Variants in TNFRSF8 observed in about 807,000 individuals in gnomAD.
TNFRSF8 encodes TNF receptor superfamily member 8.
Under a neutral mutation model 70.8 loss-of-function variants are expected in TNFRSF8, and 26 were observed. The observed-to-expected ratio is 0.37, with a 90% CI of 0.27 to 0.51. TNFRSF8 has a LOEUF of 0.51. Ranked by LOEUF, TNFRSF8 falls within the 20% of genes least tolerant of loss-of-function variation. The pLI, the probability that TNFRSF8 is intolerant of heterozygous loss-of-function variation, is 0.94. For missense variants in TNFRSF8, 720 were observed against 807.9 expected (o/e 0.89, Z 1.32); for synonymous variants, 356 against 339.2 (o/e 1.05, Z -0.54).
intron 4 of TNFRSF8, among the ~76,000 whole-genome samples, chr1:12,105,599 G>T (rs1226400984): frequency 1.5e-5 from 1 of 65,184 alleles, no homozygotes; most frequent in Admixed American, 1.5e-4. Context: ...ACACACACAC[G>T]GATATATACC....
At chr1:12,069,633 T>TAGGA (rs1307442748) in intron 1 of TNFRSF8, among the ~76,000 whole-genome samples, 1 of 152,218 alleles carries the variant, frequency 6.6e-6, no homozygotes. Context: ...TCAAGGCTCC[T>TAGGA]CATCTGCCTG....
chr1:12,109,607 G>A lies in TNFRSF8; in HGVS notation c.463G>A (p.Gly155Arg). 6.2e-7 allele frequency: 1 copy of A among 1,613,716 alleles called. No homozygotes were observed. Residue 155 changes from glycine (G) to arginine (R), a missense_variant, in exon 5 of 15, where the codon GGG (glycine) becomes AGG (arginine). By Grantham distance (125) the Gly-to-Arg change is moderately radical. Coordinates refer to ENST00000263932, the MANE Select transcript of TNFRSF8 (RefSeq NM_001243.5). The surrounding 1 kb of genome is among the most constrained non-coding windows in gnomAD (Gnocchi z 4.4). ...CACGGTCTGTGAGCCGGCTTCCCCAGGGGTCAGCCCTGCCTGTGCCAGCCC... is the reference window on the plus strand; with the variant it reads ...CACGGTCTGTGAGCCGGCTTCCCCAAGGGTCAGCCCTGCCTGTGCCAGCCC... ...KNTVCEPASP[G>R]VSPACASPEN...
At position 12,112,333 on chromosome 1, in the gene TNFRSF8, G is replaced by A. The variant is rs1641647712; in HGVS notation, c.793+319G>A. On this transcript the variant is annotated intron_variant, in intron 7 of 14. Transcript: ENST00000263932. This position sits in a 1 kb window ranked among gnomAD's most constrained non-coding sequence, Gnocchi z 5.3. ...TGGGCTGGAGTTTGAACCCAGACAG[G>A]TGCCACCAGGTTCCAGGTTCTCGTC... is the stretch of plus-strand genomic sequence containing the variant. Among the ~76,000 whole-genome samples the A allele has an allele frequency of 6.6e-6, 1 of 151,932 alleles. No homozygotes were observed. Among genetic ancestry groups the A allele is most frequent in the African/African-American group, 2.4e-5 (1 of 41,356 alleles).
intron 12 of TNFRSF8, among the ~76,000 whole-genome samples, chr1:12,128,390 G>A (rs1440418262): frequency 1.3e-5 from 2 of 152,208 alleles, no homozygotes; most frequent in Non-Finnish European, 1.5e-5. Context: ...GTGCAGGTGC[G>A]ATGAGAGGCC....
chr1:12,086,402 T>C (rs1442925072), intron 2 of TNFRSF8, among the ~76,000 whole-genome samples: 2 of 152,174 alleles, frequency 1.3e-5, no homozygotes, highest in East Asian at 3.8e-4. Flanking sequence ...GAATGATCTA[T>C]TAGGTGGGTC....
rs1641028799 is a variant in TNFRSF8, at chr1:12,079,644, A to G, written c.64-4820A>G. On this transcript the variant is annotated intron_variant, in intron 1 of 14. Transcript: ENST00000263932. ...GGAAGGGGGTGCCCCTTCCTCGCTC[A>G]GCTCCACATGGAAAATGGGGCCCTA... Among the ~76,000 whole-genome samples the G allele has an allele frequency of 2.0e-5, 3 of 152,168 alleles. No homozygotes were observed. In the South Asian group the frequency reaches 6.2e-4, roughly 32 times the overall value.
chr1:12,063,497 C>G lies in TNFRSF8; in HGVS notation c.-102C>G. On this transcript the variant is annotated 5_prime_UTR_variant, in exon 1 of 15. Coordinates refer to ENST00000263932, the MANE Select transcript of TNFRSF8 (RefSeq NM_001243.5). The surrounding 1 kb of genome is among the most constrained non-coding windows in gnomAD (Gnocchi z 7.2). ...AGTGTGCTGGAGCCTGAAGTCCACG[C>G]GCGCGGCTGAGAACCGCCGGGACCG... 1 of 1,077,856 alleles carries G rather than the reference C, an allele frequency of 9.3e-7. No individual in the cohort carries two copies. The highest frequency in any genetic ancestry group is 1.2e-6 in the Non-Finnish European group (1 of 832,894). The allele number at this position is 1,077,856 out of a possible 1,614,324, so 66.8% of individuals were successfully genotyped here.
At chr1:12,089,521 A>G (rs1335986438) in intron 2 of TNFRSF8, among the ~76,000 whole-genome samples, 2 of 152,092 alleles carry the variant, frequency 1.3e-5, no homozygotes, top group Non-Finnish European at 2.9e-5. Context: ...GTTCTTTTGT[A>G]TAGGAGGAAG....
intron 8 of TNFRSF8, among the ~76,000 whole-genome samples, chr1:12,116,504 A>C (rs1641732698): frequency 6.6e-6 from 1 of 152,158 alleles, no homozygotes; most frequent in African/African-American, 2.4e-5. Flanking sequence ...GAGTGGTGAC[A>C]AAACCAAGGG....
chr1:12,118,905 C>T (rs920040776), intron 8 of TNFRSF8, among the ~76,000 whole-genome samples: 1 of 152,128 alleles, frequency 6.6e-6, no homozygotes, highest in Non-Finnish European at 1.5e-5. Flanking sequence ...CACTCTGTCG[C>T]CCAGGCTGGA....
At position 12,102,290 on chromosome 1, in the gene TNFRSF8, C is replaced by T. The variant is rs115532314; in HGVS notation, c.269-2089C>T. Reference sequence around the variant, plus strand: ...GCAACAGTCTCTTTGCGGGAAGACGCGTGGCCTCTGGCTCTGTGGCATGAG... The same window carrying T: ...GCAACAGTCTCTTTGCGGGAAGACGTGTGGCCTCTGGCTCTGTGGCATGAG... On this transcript the variant is annotated intron_variant, in intron 3 of 14. Coordinates refer to ENST00000263932, the MANE Select transcript of TNFRSF8 (RefSeq NM_001243.5). Among the ~76,000 whole-genome samples, 546 of 152,282 alleles carry T rather than the reference C, an allele frequency of 3.6e-3. 4 individuals are homozygous for T. Among genetic ancestry groups the T allele is most frequent in the African/African-American group, 9.9e-3 (412 of 41,560 alleles).
chr1:12,100,956 CAA>C (rs57753344), intron 3 of TNFRSF8, among the ~76,000 whole-genome samples: 37,160 of 113,786 alleles, frequency 0.33, 5,513 homozygotes, highest in African/African-American at 0.46. Flanking sequence ...GACTCTGTCT[CAA>C]AAAAAAAAAA....
chr1:12,142,626 C>T lies in TNFRSF8; in HGVS notation c.*95C>T. The T allele has an allele frequency of 1.4e-6, 2 of 1,446,154 alleles. No individual in the cohort carries two copies. The highest frequency in any genetic ancestry group is 1.4e-5 in the South Asian group (1 of 73,158). 89.6% of individuals were successfully genotyped at this position (1,446,154 alleles called of 1,614,324 possible). A position where few individuals can be genotyped will look rare whatever the true frequency, so the allele number is the denominator to read the frequency against. Reference sequence around the variant, plus strand: ...ACCGAGGTTGGGGGCAGAGGCCCATCTGGCCTGAACTGAGGCTCCAGCATC... The same window carrying T: ...ACCGAGGTTGGGGGCAGAGGCCCATTTGGCCTGAACTGAGGCTCCAGCATC... On this transcript the variant is annotated 3_prime_UTR_variant, in exon 15 of 15. Transcript: ENST00000263932. This position sits in a 1 kb window ranked among gnomAD's most constrained non-coding sequence, Gnocchi z 5.0.
At chr1:12,106,856 A>G (rs1381583829) in intron 4 of TNFRSF8, among the ~76,000 whole-genome samples, 2 of 152,190 alleles carry the variant, frequency 1.3e-5, no homozygotes, top group African/African-American at 2.4e-5. Flanking sequence ...GGTATAACTG[A>G]AGGCCTTGGG....
At chr1:12,135,111 T>TAC (rs1361594254) in intron 12 of TNFRSF8, among the ~76,000 whole-genome samples, 1 of 151,856 alleles carries the variant, frequency 6.6e-6, no homozygotes, top group Admixed American at 6.6e-5. Flanking sequence ...GTCAGGAGTT[T>TAC]GAGACCGGCC....
intron 2 of TNFRSF8, among the ~76,000 whole-genome samples, chr1:12,085,579 CA>C (rs1416917386): frequency 6.6e-6 from 1 of 152,188 alleles, no homozygotes; most frequent in Non-Finnish European, 1.5e-5. Flanking sequence ...TGCCCCAGCT[CA>C]GGACAGGTGT....
intron 2 of TNFRSF8, among the ~76,000 whole-genome samples, chr1:12,089,248 G>A (rs563718932): frequency 6.6e-6 from 1 of 152,092 alleles, no homozygotes; most frequent in African/African-American, 2.4e-5. Flanking sequence ...CTTGTCTATC[G>A]TCTTCCTGCA....
chr1:12,126,041 G>T lies in TNFRSF8; in HGVS notation c.1244G>T (p.Arg415Leu), dbSNP rs548102737. 6.2e-7 allele frequency: 1 copy of T among 1,614,140 alleles called. No homozygotes were observed. Among genetic ancestry groups the T allele is most frequent in the Admixed American group, 1.7e-5 (1 of 60,020 alleles). ...TGCCACCGGAGGGCCTGCAGGAAGC[G>T]AATTCGGCAGAGTAAGTGGCTGTGT... ...LLCHRRACRK[R>L]IRQKLHLCYP... The change falls in exon 11 of 15, where the codon CGA becomes CTA. Residue 415 changes from arginine (R) to leucine (L), a missense_variant. Arg to Leu is a moderately radical substitution (Grantham distance 102, BLOSUM62 -2). Coordinates refer to ENST00000263932, the MANE Select transcript of TNFRSF8 (RefSeq NM_001243.5).
chr1:12,104,395 G>A lies in TNFRSF8; in HGVS notation c.285G>A (p.Lys95=), dbSNP rs1231395090. The A allele has an allele frequency of 6.2e-7, 1 of 1,614,082 alleles. No homozygotes were observed. The highest frequency in any genetic ancestry group is 8.5e-7 in the Non-Finnish European group (1 of 1,180,012). ...GTCCCTTAGACGACCTCGTGGAGAA[G>A]ACGCCGTGTGCATGGAACTCCTCCC... ...VTCSRDDLVE[K]TPCAWNSSRV... is the part of the protein sequence containing the mutation. The change falls in exon 4 of 15, where the codon AAG becomes AAA. Residue 95 remains lysine, a synonymous_variant. Transcript: ENST00000263932.
Sources: gnomAD v4.1 joint callset for allele counts (sites outside exome capture counted in the v4.1 genomes callset) on GRCh38, gnomAD v4.1.1 for gene constraint, Gnocchi (gnomAD v3.1) non-coding constraint, MANE v1.5 for transcripts, NCBI Gene and HGNC (gene_info 2026-07-23, HGNC 2026-07-21) for gene names.